The following DIP2A variants were observed in gnomAD, a reference collection of about 807,000 sequenced individuals.
DIP2A encodes DIP2 acetate--CoA ligase A, also known as disco-interacting protein 2 homolog A.
In DIP2A, 85 loss-of-function variants were observed where a neutral mutation model predicts 177.4. The observed-to-expected ratio is 0.48, with a 90% CI of 0.40 to 0.57. The LOEUF is 0.57. Among genes scored for constraint, DIP2A ranks in the 20% least tolerant of loss-of-function variants. The pLI is 0.00. For missense variants in DIP2A, 1,791 were observed against 2,100.2 expected (o/e 0.85, Z 2.88); for synonymous variants, 886 against 881.8 (o/e 1.00, Z -0.08).
chr21:46,532,765 A>T (rs1466141459), intron 10 of DIP2A, among the ~76,000 whole-genome samples: 2 of 152,132 alleles, frequency 1.3e-5, no homozygotes, highest in African/African-American at 4.8e-5. Flanking sequence ...TAAATTATTA[A>T]TGTGGGGTCT....
Position 46,498,549 on chromosome 21 carries a change from A to G in DIP2A, c.404-33A>G. 6.3e-7 allele frequency: 1 copy of G among 1,577,822 alleles called. No individual in the cohort carries two copies. The highest frequency in any genetic ancestry group is 1.3e-5 in the African/African-American group (1 of 74,564). ...TCCGTCCTCCTCTTGACTCATCCCG[A>G]TATCATGCCTGTCATCGTTATTTTA... On this transcript the variant is annotated intron_variant, in intron 4 of 37. Coordinates refer to ENST00000417564, the MANE Select transcript of DIP2A (RefSeq NM_015151.4). The surrounding 1 kb of genome is among the most constrained non-coding windows in gnomAD (Gnocchi z 4.3).
At chr21:46,493,420 G>C (rs1601493487) in intron 3 of DIP2A, among the ~76,000 whole-genome samples, 1 of 152,064 alleles carries the variant, frequency 6.6e-6, no homozygotes, top group South Asian at 2.1e-4. Context: ...CTCTCTTTTC[G>C]TGAGTGCCTT....
At chr21:46,492,776 A>G (rs2057090025) in intron 3 of DIP2A, among the ~76,000 whole-genome samples, 1 of 152,152 alleles carries the variant, frequency 6.6e-6, no homozygotes, top group Non-Finnish European at 1.5e-5. Context: ...CCCCATCTCT[A>G]CTAAAAATAC....
In DIP2A at chr21:46,556,868, A is replaced by G; in HGVS notation, c.3499-71A>G. On this transcript the variant is annotated intron_variant, in intron 29 of 37. Coordinates refer to ENST00000417564, the MANE Select transcript of DIP2A (RefSeq NM_015151.4). This position sits in a 1 kb window ranked among gnomAD's most constrained non-coding sequence, Gnocchi z 4.5. Reference sequence around the variant, plus strand: ...TGGTCTAGCCATGTGAACAGCGGACACTGCCATCCACCCTCTCCCCTCCTG... The same window carrying G: ...TGGTCTAGCCATGTGAACAGCGGACGCTGCCATCCACCCTCTCCCCTCCTG... 1.5e-6 allele frequency: 2 copies of G among 1,353,140 alleles called. No homozygotes were observed. The highest frequency in any genetic ancestry group is 2.5e-5 in the East Asian group (1 of 39,462). The allele number at this position is 1,353,140 out of a possible 1,614,324, so 83.8% of individuals were successfully genotyped here. A position where few individuals can be genotyped will look rare whatever the true frequency, so the allele number is the denominator to read the frequency against.
intron 5 of DIP2A, among the ~76,000 whole-genome samples, chr21:46,503,041 G>A (rs928923707): frequency 2.6e-5 from 4 of 152,154 alleles, no homozygotes; most frequent in African/African-American, 9.7e-5. Context: ...ACTTGATTGT[G>A]GCCAGGCGCG....
At chr21:46,542,690 T>C (rs2059866815) in intron 18 of DIP2A, among the ~76,000 whole-genome samples, 1 of 152,224 alleles carries the variant, frequency 6.6e-6, no homozygotes, top group Non-Finnish European at 1.5e-5. Flanking sequence ...TACTTCAGCT[T>C]TCCTGCCTCC....
Position 46,498,874 on chromosome 21 carries a change from G to C in DIP2A, c.655+41G>C. 1 of 1,567,762 alleles carries C rather than the reference G, an allele frequency of 6.4e-7. No homozygotes were observed. Among genetic ancestry groups the C allele is most frequent in the Non-Finnish European group, 8.7e-7 (1 of 1,154,994 alleles). On this transcript the variant is annotated intron_variant, in intron 5 of 37. Coordinates refer to ENST00000417564, the MANE Select transcript of DIP2A (RefSeq NM_015151.4). The surrounding 1 kb of genome is among the most constrained non-coding windows in gnomAD (Gnocchi z 4.3). Reference sequence around the variant, plus strand: ...CTGCGGCCCCTGTGCCAGCAGAGCGGGGTCAGGAGTGTCCAGGACAGAGGA... The same window carrying C: ...CTGCGGCCCCTGTGCCAGCAGAGCGCGGTCAGGAGTGTCCAGGACAGAGGA...
intron 28 of DIP2A, 136 bp downstream of exon 28, chr21:46,555,069 G>A (rs562852468): frequency 2.0e-5 from 18 of 887,522 alleles, no homozygotes; most frequent in Non-Finnish European, 2.9e-5. Context: ...AGCAGGGGGT[G>A]CCCCGGGCCC....
At chr21:46,523,552 C>CT (rs908662073) in intron 8 of DIP2A, among the ~76,000 whole-genome samples, 6 of 151,476 alleles carry the variant, frequency 4.0e-5, no homozygotes, top group Admixed American at 2.6e-4. Flanking sequence ...GCCCATAGTG[C>CT]TTTTTTTTAA....
intron 16 of DIP2A, 186 bp downstream of exon 16, chr21:46,538,788 T>C (rs2059679815): frequency 1.2e-6 from 1 of 853,368 alleles, no homozygotes; most frequent in African/African-American, 1.7e-5. Context: ...GCATGTTTAT[T>C]AGGCCACTAA....
intron 1 of DIP2A, among the ~76,000 whole-genome samples, chr21:46,464,844 T>TTTTTTTTTTTTTTTTTTC (rs58546395): frequency 5.4e-5 from 6 of 111,232 alleles, no homozygotes; most frequent in African/African-American, 2.5e-4. Flanking sequence ...TTTTTTTTTT[T>TTTTTTTTTTTTTTTTTTC]CAAGAAAACA....
intron 1 of DIP2A, among the ~76,000 whole-genome samples, chr21:46,475,766 C>G (rs1167582248): frequency 1.3e-5 from 2 of 151,954 alleles, no homozygotes; most frequent in East Asian, 3.8e-4. Flanking sequence ...CATTCACTCT[C>G]TGATTCCATT....
chr21:46,501,226 T>C (rs1403710519), intron 5 of DIP2A, among the ~76,000 whole-genome samples: 2 of 152,180 alleles, frequency 1.3e-5, no homozygotes, highest in South Asian at 2.1e-4. Context: ...GTAGAACATA[T>C]CAGGTAAAGA....
intron 8 of DIP2A, among the ~76,000 whole-genome samples, chr21:46,525,923 T>C (rs952435170): frequency 7.1e-5 from 10 of 140,716 alleles, no homozygotes; most frequent in Non-Finnish European, 1.1e-4. Flanking sequence ...TTATTATTAT[T>C]TTGAGATGGA....
intron 21 of DIP2A, among the ~76,000 whole-genome samples, chr21:46,548,002 A>T (rs186781533): frequency 6.6e-5 from 10 of 152,208 alleles, no homozygotes; most frequent in African/African-American, 1.9e-4. Context: ...AAACTAAGGT[A>T]CTTGGGAGCC....
At chr21:46,559,866 A>ATGACCT (rs1313722530) in intron 32 of DIP2A, among the ~76,000 whole-genome samples, 13 of 152,156 alleles carry the variant, frequency 8.5e-5, no homozygotes, top group East Asian at 1.9e-4. Context: ...CTGAGCAGGT[A>ATGACCT]TGACCTTGAC....
At chr21:46,517,198 A>G (rs1445641774) in intron 8 of DIP2A, among the ~76,000 whole-genome samples, 1 of 150,588 alleles carries the variant, frequency 6.6e-6, no homozygotes, top group African/African-American at 2.4e-5. Context: ...AGTAGCTGGG[A>G]CTACAGGTGC....
At chr21:46,522,521 G>T in intron 8 of DIP2A, among the ~76,000 whole-genome samples, 1 of 152,190 alleles carries the variant, frequency 6.6e-6, no homozygotes, top group East Asian at 1.9e-4. Flanking sequence ...TCCCCCATGG[G>T]AGTGTTATCT....
chr21:46,469,820 G>A (rs1334624295), intron 1 of DIP2A, among the ~76,000 whole-genome samples: 1 of 151,982 alleles, frequency 6.6e-6, no homozygotes, highest in Non-Finnish European at 1.5e-5. Context: ...TCCCTCAAGG[G>A]CATTTTCCCA....
Sources: gnomAD v4.1 joint callset for allele counts (sites outside exome capture counted in the v4.1 genomes callset) on GRCh38, gnomAD v4.1.1 for gene constraint, Gnocchi (gnomAD v3.1) non-coding constraint, MANE v1.5 for transcripts, NCBI Gene and HGNC (gene_info 2026-07-23, HGNC 2026-07-21) for gene names.